CDC42SE2: variants seen among roughly 807,000 people sequenced by gnomAD.
CDC42SE2 encodes the protein CDC42 small effector 2, also known as CDC42 small effector protein 2.
CDC42SE2 carries 3 observed loss-of-function variants against 11.5 expected under a neutral mutation model. The ratio of observed to expected loss-of-function variants is 0.26; its 90% CI spans 0.12 to 0.67. The LOEUF (loss-of-function observed/expected upper bound fraction) is 0.67, where lower values mean the gene tolerates loss of function less well. CDC42SE2 is among the 30% of genes least tolerant of loss of function. The pLI is 0.80. For synonymous variants in CDC42SE2, 33 were observed against 34.8 expected (o/e 0.95, Z 0.18); for missense variants, 82 against 106.8 (o/e 0.77, Z 1.02).
At chr5:131,243,830 C>T (rs1220149979), upstream of CDC42SE2, among the ~76,000 whole-genome samples, 1 of 152,182 alleles carries the variant, frequency 6.6e-6, no homozygotes, top group African/African-American at 2.4e-5. Context: ...ATTGTCTGAG[C>T]TGAAATTCCT....
intron 3 of CDC42SE2, among the ~76,000 whole-genome samples, chr5:131,360,588 C>T (rs999421312): frequency 1.3e-5 from 2 of 152,082 alleles, no homozygotes; most frequent in East Asian, 3.8e-4. Context: ...ACAGTCTCTC[C>T]CACAACATTT....
At chr5:131,337,604 T>C (rs1758605043) in intron 2 of CDC42SE2, among the ~76,000 whole-genome samples, 1 of 152,236 alleles carries the variant, frequency 6.6e-6, no homozygotes, top group Non-Finnish European at 1.5e-5. Context: ...TCTTGAGCTG[T>C]GGTGGGCTCC....
intron 2 of CDC42SE2, among the ~76,000 whole-genome samples, chr5:131,257,778 C>T (rs112087753): frequency 4.6e-5 from 7 of 152,132 alleles, no homozygotes; most frequent in African/African-American, 1.7e-4. Flanking sequence ...GCGCTCGGCC[C>T]CACCTGCTAA....
chr5:131,374,829 C>T (rs957847057), intron 3 of CDC42SE2, among the ~76,000 whole-genome samples: 1 of 152,082 alleles, frequency 6.6e-6, no homozygotes, highest in Non-Finnish European at 1.5e-5. Flanking sequence ...AAGGAAGACT[C>T]CCAGATCTGA....
intron 1 of CDC42SE2, among the ~76,000 whole-genome samples, chr5:131,302,524 C>T (rs560084694): frequency 2.6e-4 from 40 of 152,058 alleles, no homozygotes; most frequent in African/African-American, 9.4e-4. Flanking sequence ...CCATGTTGGC[C>T]GGGCTGGTCT....
At chr5:131,363,687 C>A (rs1234787209) in intron 3 of CDC42SE2, among the ~76,000 whole-genome samples, 10 of 137,592 alleles carry the variant, frequency 7.3e-5, no homozygotes, top group Admixed American at 6.0e-4. Flanking sequence ...TTTTTTTTTT[C>A]TCTTACTCTT....
At chr5:131,277,504 A>G (rs1374915328) in intron 1 of CDC42SE2, among the ~76,000 whole-genome samples, 3 of 152,238 alleles carry the variant, frequency 2.0e-5, no homozygotes, top group African/African-American at 7.2e-5. Context: ...CAACCCATTC[A>G]GAATAAGATA....
chr5:131,337,403 C>T (rs1177466335), intron 2 of CDC42SE2, among the ~76,000 whole-genome samples: 3 of 152,218 alleles, frequency 2.0e-5, no homozygotes, highest in Admixed American at 2.0e-4. Context: ...CCCAGTTAGG[C>T]TGCTCGTGGG....
the CDC42SE2 span, among the ~76,000 whole-genome samples, chr5:131,221,327 T>C: frequency 6.6e-6 from 1 of 152,034 alleles, no homozygotes; most frequent in South Asian, 2.1e-4. Flanking sequence ...TCATCAGCTA[T>C]CATTAGTGTT....
chr5:131,300,171 G>A (rs1217553135), intron 1 of CDC42SE2, among the ~76,000 whole-genome samples: 1 of 152,114 alleles, frequency 6.6e-6, no homozygotes, highest in African/African-American at 2.4e-5. Context: ...TTCAGTGAAA[G>A]GATGGATGGG....
intron 1 of CDC42SE2, among the ~76,000 whole-genome samples, chr5:131,310,877 T>C (rs1024518234): frequency 6.6e-6 from 1 of 152,078 alleles, no homozygotes. Context: ...AGCACACTGA[T>C]GGGTCTTGAC....
chr5:131,375,446 T>C (rs1750125631), intron 3 of CDC42SE2, among the ~76,000 whole-genome samples: 1 of 152,232 alleles, frequency 6.6e-6, no homozygotes, highest in Non-Finnish European at 1.5e-5. Flanking sequence ...CTTTCCTTTC[T>C]GTACTTTGAC....
chr5:131,268,863 C>G (rs1234179244), intron 1 of CDC42SE2, among the ~76,000 whole-genome samples: 1 of 148,630 alleles, frequency 6.7e-6, no homozygotes. Flanking sequence ...CAACTGTCCT[C>G]CCTCAGCCTC....
chr5:131,224,570 G>A, the CDC42SE2 span, among the ~76,000 whole-genome samples: 1 of 151,850 alleles, frequency 6.6e-6, no homozygotes, highest in African/African-American at 2.4e-5. Flanking sequence ...TTTCTCACCT[G>A]GCCTAACCCA....
rs141816760 is a variant in CDC42SE2 at position 131,377,848 on chromosome 5, T to C, written c.55-7695T>C. Among the ~76,000 whole-genome samples, 630 of 152,378 alleles carry C rather than the reference T, an allele frequency of 4.1e-3. 4 individuals are homozygous for C. The highest frequency in any genetic ancestry group is 0.013 in the African/African-American group (546 of 41,590). ...TCATTAGAATTGGCATTACATTGTT[T>C]ACATCTTCCAAATATAATAGGTTCT... On this transcript the variant is annotated intron_variant, in intron 3 of 4. Coordinates refer to ENST00000505065, the MANE Select transcript of CDC42SE2 (RefSeq NM_001375635.1).
intron 1 of CDC42SE2, among the ~76,000 whole-genome samples, chr5:131,290,195 A>G (rs1757427878): frequency 6.6e-6 from 1 of 152,108 alleles, no homozygotes; most frequent in African/African-American, 2.4e-5. Flanking sequence ...GGAAAGATGG[A>G]AGAGACAAGG....
chr5:131,214,177 A>G, the CDC42SE2 span, among the ~76,000 whole-genome samples: 1 of 152,254 alleles, frequency 6.6e-6, no homozygotes, highest in Non-Finnish European at 1.5e-5. Flanking sequence ...AGAAATAACC[A>G]GGTATGAAAT....
intron 1 of CDC42SE2, among the ~76,000 whole-genome samples, chr5:131,266,854 A>G (rs1756876948): frequency 6.6e-6 from 1 of 151,692 alleles, no homozygotes. Context: ...ACAATGTACC[A>G]CTGATAGTCT....
At chr5:131,331,624 A>G (rs963841843) in intron 2 of CDC42SE2, among the ~76,000 whole-genome samples, 4 of 152,190 alleles carry the variant, frequency 2.6e-5, no homozygotes, top group Non-Finnish European at 5.9e-5. Context: ...TTTCTTTATA[A>G]TCTAGGGAAA....
Sources: allele counts gnomAD v4.1 joint callset (sites outside exome capture counted in the v4.1 genomes callset), GRCh38; gene constraint gnomAD v4.1.1; transcripts MANE v1.5; gene names NCBI Gene and HGNC (gene_info 2026-07-23, HGNC 2026-07-21).